PLEKHM3: variants seen among roughly 807,000 people sequenced by gnomAD.
The protein encoded by PLEKHM3 is pleckstrin homology domain-containing family M member 3.
A neutral mutation model predicts 81.8 loss-of-function variants in PLEKHM3; 45 were observed. The ratio of observed to expected loss-of-function variants is 0.55; its 90% CI spans 0.43 to 0.71. PLEKHM3 has a LOEUF of 0.71. PLEKHM3 is among the 30% of genes least tolerant of loss of function. The probability of loss-of-function intolerance (pLI) is 0.00; values close to 1 mark genes in which losing one functional copy is unlikely to be tolerated. For synonymous variants in PLEKHM3, 352 were observed against 356.4 expected, an observed-to-expected ratio of 0.99 and a Z score of 0.14; for missense variants, 788 against 924.3, an observed-to-expected ratio of 0.85 and a Z score of 1.91.
chr2:208,014,470 C>T lies in PLEKHM3; in HGVS notation c.-319+10919G>A, dbSNP rs189504537. Among the ~76,000 whole-genome samples, 679 of 152,238 alleles carry T rather than the reference C, an allele frequency of 4.5e-3. 7 individuals carry two copies. Among genetic ancestry groups the T allele is most frequent in the African/African-American group, 0.016 (646 of 41,542 alleles). ...ACCAGCCTGGCCAACATGGTGAAAC[C>T]CCGTCTCTACTAAAAATACAAAAGT... On this transcript the variant is annotated intron_variant, in intron 1 of 7. Transcript: ENST00000427836.
Position 207,825,856 on chromosome 2 carries a change from A to C in PLEKHM3, c.*2463T>G, listed in dbSNP as rs1382925971. ...AATAAGCAGAAAATGATGTGGGTGG[A>C]AAGTCCTCCTTAGGAGTTCACAGGG... is the stretch of plus-strand genomic sequence containing the variant. On this transcript the variant is annotated 3_prime_UTR_variant, in exon 8 of 8. Transcript: ENST00000427836. 1 of 152,246 alleles carries C rather than the reference A, an allele frequency of 6.6e-6. No homozygotes were observed. The highest frequency in any genetic ancestry group is 2.1e-4 in the South Asian group (1 of 4,828). The allele number at this position is 152,246 out of a possible 1,614,324, so 9.4% of individuals were successfully genotyped here. A position where few individuals can be genotyped will look rare whatever the true frequency, so the allele number is the denominator to read the frequency against.
chr2:208,023,339 G>C (rs778430555), intron 1 of PLEKHM3, among the ~76,000 whole-genome samples: 1 of 145,862 alleles, frequency 6.9e-6, no homozygotes, highest in Non-Finnish European at 1.5e-5. Context: ...GTACAGTTCA[G>C]TATTGTTAAG....
chr2:207,831,658 T>C (rs2092288914), intron 7 of PLEKHM3, among the ~76,000 whole-genome samples: 1 of 152,182 alleles, frequency 6.6e-6, no homozygotes, highest in South Asian at 2.1e-4. Context: ...CACAGGTGAC[T>C]CTAGTACCCG....
intron 6 of PLEKHM3, among the ~76,000 whole-genome samples, chr2:207,889,759 C>T (rs1473839334): frequency 6.6e-6 from 1 of 152,052 alleles, no homozygotes. Flanking sequence ...AAGTTGCCTT[C>T]CTCCCTTCCT....
chr2:207,884,933 A>T (rs1687838607), intron 6 of PLEKHM3, among the ~76,000 whole-genome samples: 1 of 152,158 alleles, frequency 6.6e-6, no homozygotes, highest in Admixed American at 6.5e-5. Context: ...CACGGGGCCT[A>T]GAGTAAGATC....
At chr2:207,941,299 A>G (rs184099395) in intron 4 of PLEKHM3, among the ~76,000 whole-genome samples, 8 of 152,320 alleles carry the variant, frequency 5.3e-5, no homozygotes, top group African/African-American at 1.9e-4. Flanking sequence ...AATGGAACAG[A>G]ACAAGAACCC....
At chr2:207,980,772 T>C (rs531637639) in intron 2 of PLEKHM3, among the ~76,000 whole-genome samples, 3 of 152,214 alleles carry the variant, frequency 2.0e-5, no homozygotes, top group African/African-American at 7.2e-5. Flanking sequence ...GGTTTCACCA[T>C]ATTGCCAAGG....
At chr2:207,925,921 G>A (rs1274175498) in intron 5 of PLEKHM3, among the ~76,000 whole-genome samples, 4 of 151,614 alleles carry the variant, frequency 2.6e-5, no homozygotes, top group African/African-American at 4.9e-5. Flanking sequence ...CTAGACATTC[G>A]GCATCCTTTG....
chr2:207,983,051 A>ATTTTT (rs3057253), intron 2 of PLEKHM3, among the ~76,000 whole-genome samples: 1 of 130,092 alleles, frequency 7.7e-6, no homozygotes, highest in African/African-American at 2.8e-5. Flanking sequence ...TTAAACATGG[A>ATTTTT]TTTTTTTTTT....
intron 1 of PLEKHM3, among the ~76,000 whole-genome samples, chr2:208,016,911 C>G (rs1692941909): frequency 6.6e-6 from 1 of 152,270 alleles, no homozygotes; most frequent in Middle Eastern, 3.4e-3. Flanking sequence ...AGGATCCCCT[C>G]AGATACTAAA....
intron 6 of PLEKHM3, among the ~76,000 whole-genome samples, chr2:207,896,843 G>A (rs993918536): frequency 2.0e-5 from 3 of 152,224 alleles, no homozygotes; most frequent in African/African-American, 7.2e-5. Context: ...TGTAGAAAGA[G>A]TGTGGACTCC....
At chr2:207,896,811 C>A (rs1161877171) in intron 6 of PLEKHM3, among the ~76,000 whole-genome samples, 2 of 152,230 alleles carry the variant, frequency 1.3e-5, no homozygotes, top group African/African-American at 4.8e-5. Context: ...ACATTTCAGT[C>A]TGGTAAGCTT....
At chr2:207,879,444 T>G (rs71418653) in intron 6 of PLEKHM3, among the ~76,000 whole-genome samples, 2,874 of 152,372 alleles carry the variant, frequency 0.019, 34 homozygotes, top group Middle Eastern at 0.065. Context: ...ATTTCTATTC[T>G]AGGCCTTTCC....
In PLEKHM3 at chr2:207,976,570, A is replaced by C; in HGVS notation, c.1546+81T>G. The C allele has an allele frequency of 7.3e-7, 1 of 1,367,998 alleles. No individual in the cohort carries two copies. The highest frequency in any genetic ancestry group is 1.5e-5 in the African/African-American group (1 of 68,834). 84.7% of individuals were successfully genotyped at this position (1,367,998 alleles called of 1,614,324 possible). A position where few individuals can be genotyped will look rare whatever the true frequency, so the allele number is the denominator to read the frequency against. On this transcript the variant is annotated intron_variant, in intron 3 of 7. Coordinates refer to ENST00000427836, the MANE Select transcript of PLEKHM3 (RefSeq NM_001080475.3). The surrounding 1 kb of genome is among the most constrained non-coding windows in gnomAD (Gnocchi z 4.1). Reference sequence around the variant, plus strand: ...GGAGATAGCTGTGACTAGCCTATTAAGGGGATTTTTAAAGTGAATTCCAAT... The same window carrying C: ...GGAGATAGCTGTGACTAGCCTATTACGGGGATTTTTAAAGTGAATTCCAAT...
Position 208,011,843 on chromosome 2 carries a change from G to A in PLEKHM3, c.-318-9886C>T, listed in dbSNP as rs1323322544. 1.6e-4 allele frequency among the ~76,000 whole-genome samples: 21 copies of A among 134,126 alleles called. 1 individual carries two copies. In the Admixed American group the frequency reaches 1.7e-3, roughly 11 times the overall value. 88.0% of individuals were successfully genotyped at this position (134,126 alleles called of 152,430 possible). A position where few individuals can be genotyped will look rare whatever the true frequency, so the allele number is the denominator to read the frequency against. On this transcript the variant is annotated intron_variant, in intron 1 of 7. Coordinates refer to ENST00000427836, the MANE Select transcript of PLEKHM3 (RefSeq NM_001080475.3). Reference sequence around the variant, plus strand: ...ACGGAGCTTCACTCTTGTTGCCCAGGCTAGAGTGCAATGGTGTGATCTCGG... The same window carrying A: ...ACGGAGCTTCACTCTTGTTGCCCAGACTAGAGTGCAATGGTGTGATCTCGG...
At chr2:207,925,955 C>T (rs1210085441) in intron 5 of PLEKHM3, among the ~76,000 whole-genome samples, 3 of 151,802 alleles carry the variant, frequency 2.0e-5, no homozygotes, top group African/African-American at 4.8e-5. Flanking sequence ...GACCGAGTTA[C>T]GGATCTAGTA....
At chr2:207,882,289 CTT>C (rs1010542053) in intron 6 of PLEKHM3, among the ~76,000 whole-genome samples, 1 of 152,014 alleles carries the variant, frequency 6.6e-6, no homozygotes, top group African/African-American at 2.4e-5. Flanking sequence ...CTTGTTTTCT[CTT>C]CTCTCTCTCT....
chr2:207,930,879 C>A (rs761785016), intron 5 of PLEKHM3, 47 bp downstream of exon 5: 1 of 1,591,514 alleles, frequency 6.3e-7, no homozygotes, highest in Non-Finnish European at 8.6e-7. Flanking sequence ...CCTCCGTGGG[C>A]GGGAAAGAAA....
At chr2:207,934,150 G>A (rs570694362) in intron 4 of PLEKHM3, among the ~76,000 whole-genome samples, 16 of 152,260 alleles carry the variant, frequency 1.1e-4, no homozygotes, top group African/African-American at 3.9e-4. Flanking sequence ...AGGTGATAAA[G>A]TTTATGTGAG....
Sources: gnomAD v4.1 joint callset for allele counts (sites outside exome capture counted in the v4.1 genomes callset) on GRCh38, gnomAD v4.1.1 for gene constraint, Gnocchi (gnomAD v3.1) non-coding constraint, MANE v1.5 for transcripts, NCBI Gene and HGNC (gene_info 2026-07-23, HGNC 2026-07-21) for gene names.